The following UNC5C variants were observed in gnomAD, a reference collection of about 807,000 sequenced individuals.
UNC5C encodes the protein netrin receptor UNC5C.
Under a neutral mutation model 99.8 loss-of-function variants are expected in UNC5C, and 47 were observed. The observed-to-expected ratio is 0.47, with a 90% CI of 0.37 to 0.60. The LOEUF (loss-of-function observed/expected upper bound fraction) is 0.60. Ranked by LOEUF, UNC5C falls within the 20% of genes least tolerant of loss-of-function variation. UNC5C has a pLI of 0.00. For synonymous variants in UNC5C, 487 were observed against 452.2 expected, an observed-to-expected ratio of 1.08 and a Z score of -0.98; for missense variants, 1,062 against 1,165.9, an observed-to-expected ratio of 0.91 and a Z score of 1.30.
At chr4:95,336,821 T>G in intron 1 of UNC5C, among the ~76,000 whole-genome samples, 1 of 152,066 alleles carries the variant, frequency 6.6e-6, no homozygotes, top group Admixed American at 6.6e-5. Flanking sequence ...TACCTAGATA[T>G]TTCTTCTCAC....
chr4:95,384,817 C>T lies in UNC5C; in HGVS notation c.125-49186G>A, dbSNP rs143189845. 7.2e-5 allele frequency among the ~76,000 whole-genome samples: 11 copies of T among 152,108 alleles called. No individual in the cohort carries two copies. In the East Asian group the frequency reaches 9.7e-4, roughly 13 times the overall value. ...AGAGCCTCTACCAAAATAGCATCTT[C>T]GGAGAAGAGGGAACAAAATTTAAGA... On this transcript the variant is annotated intron_variant, in intron 1 of 15. Transcript: ENST00000453304.
At chr4:95,205,826 G>T (rs1294381109) in intron 11 of UNC5C, among the ~76,000 whole-genome samples, 1 of 152,046 alleles carries the variant, frequency 6.6e-6, no homozygotes, top group East Asian at 1.9e-4. Flanking sequence ...CAGACAGCCA[G>T]AATGCTGCAG....
At chr4:95,531,877 C>G (rs1274568859) in intron 1 of UNC5C, among the ~76,000 whole-genome samples, 4 of 152,114 alleles carry the variant, frequency 2.6e-5, no homozygotes, top group African/African-American at 9.7e-5. Flanking sequence ...CAACAATAAC[C>G]CCAATATAGA....
chr4:95,179,029 T>C (rs182642013), intron 14 of UNC5C, among the ~76,000 whole-genome samples: 4 of 152,372 alleles, frequency 2.6e-5, no homozygotes, highest in East Asian at 3.9e-4. Flanking sequence ...GAGTTTACTC[T>C]CACAGAATGC....
At chr4:95,374,232 C>T (rs769231802) in intron 1 of UNC5C, among the ~76,000 whole-genome samples, 1 of 152,138 alleles carries the variant, frequency 6.6e-6, no homozygotes, top group Non-Finnish European at 1.5e-5. Context: ...GTTTGCACAC[C>T]ATATGCCTAG....
intron 1 of UNC5C, among the ~76,000 whole-genome samples, chr4:95,496,406 A>T (rs1470958587): frequency 6.6e-6 from 1 of 151,832 alleles, no homozygotes; most frequent in African/African-American, 2.4e-5. Context: ...GTGGTGTATA[A>T]TGTATTTTAA....
At chr4:95,509,547 AT>A (rs1251709988) in intron 1 of UNC5C, among the ~76,000 whole-genome samples, 3 of 151,924 alleles carry the variant, frequency 2.0e-5, no homozygotes, top group Non-Finnish European at 4.4e-5. Context: ...TACATAACTG[AT>A]TAAATGCCTG....
chr4:95,294,145 C>T (rs566932850), intron 3 of UNC5C, among the ~76,000 whole-genome samples: 4 of 152,232 alleles, frequency 2.6e-5, no homozygotes, highest in East Asian at 1.9e-4. Context: ...AATACATGAC[C>T]GAAATAATTT....
rs538438887 is a variant in UNC5C, at chr4:95,362,673, G to A, written c.125-27042C>T. ...CACTGTTATATCATGTGACAACTGA[G>A]CTGACATACCAATATGAATGGTATT... On this transcript the variant is annotated intron_variant, in intron 1 of 15. Coordinates refer to ENST00000453304, the MANE Select transcript of UNC5C (RefSeq NM_003728.4). Among the ~76,000 whole-genome samples the A allele has an allele frequency of 1.3e-4, 20 of 152,242 alleles. No individual in the cohort carries two copies. The South Asian group carries it at 2.9e-3, about 22-fold the overall frequency.
intron 12 of UNC5C, among the ~76,000 whole-genome samples, chr4:95,190,158 C>A (rs1464792441): frequency 2.0e-5 from 3 of 152,046 alleles, no homozygotes; most frequent in African/African-American, 7.3e-5. Flanking sequence ...TACTATGCAG[C>A]CATAAAAAAT....
intron 12 of UNC5C, among the ~76,000 whole-genome samples, chr4:95,201,321 G>A (rs1737647141): frequency 6.6e-6 from 1 of 152,012 alleles, no homozygotes; most frequent in Admixed American, 6.6e-5. Context: ...TTCTCGAAAG[G>A]CCACTTGAAC....
chr4:95,457,377 C>T (rs190720603), intron 1 of UNC5C, among the ~76,000 whole-genome samples: 64 of 152,174 alleles, frequency 4.2e-4, no homozygotes, highest in African/African-American at 1.4e-3. Context: ...CAAACATGAA[C>T]ATTAACCCCT....
intron 1 of UNC5C, among the ~76,000 whole-genome samples, chr4:95,413,063 G>A (rs1001339862): frequency 6.6e-6 from 1 of 152,082 alleles, no homozygotes; most frequent in Non-Finnish European, 1.5e-5. Flanking sequence ...AGCAAAGAAT[G>A]AATCCCATGT....
intron 4 of UNC5C, among the ~76,000 whole-genome samples, chr4:95,263,947 G>T (rs145593764): frequency 1.9e-3 from 283 of 152,206 alleles, no homozygotes; most frequent in African/African-American, 6.5e-3. Flanking sequence ...ATGATATCTA[G>T]CATAAAATAA....
At chr4:95,465,962 C>T (rs1482783118) in intron 1 of UNC5C, among the ~76,000 whole-genome samples, 1 of 152,048 alleles carries the variant, frequency 6.6e-6, no homozygotes, top group Non-Finnish European at 1.5e-5. Context: ...CCTATGCTTT[C>T]CAAGGTATAT....
At chr4:95,424,513 C>CTTTTCTTTTTTT in intron 1 of UNC5C, among the ~76,000 whole-genome samples, 1 of 85,026 alleles carries the variant, frequency 1.2e-5, no homozygotes, top group South Asian at 4.8e-4. Flanking sequence ...TTTTTTTTTT[C>CTTTTCTTTTTTT]TTTTCTTTTT....
At chr4:95,326,559 A>G (rs1001679103) in intron 2 of UNC5C, among the ~76,000 whole-genome samples, 3 of 152,204 alleles carry the variant, frequency 2.0e-5, no homozygotes. Flanking sequence ...ACTTTCAAAT[A>G]TTGAAAATTT....
chr4:95,309,806 G>A (rs74881688), intron 2 of UNC5C, among the ~76,000 whole-genome samples: 5,282 of 152,272 alleles, frequency 0.035, 125 homozygotes, highest in South Asian at 0.052. Context: ...TGGGGCAAAG[G>A]GAACCCTTGC....
chr4:95,431,318 G>A (rs1746629493), intron 1 of UNC5C, among the ~76,000 whole-genome samples: 1 of 152,022 alleles, frequency 6.6e-6, no homozygotes, highest in Non-Finnish European at 1.5e-5. Flanking sequence ...CATCTCGAAA[G>A]CCTGTTAAAA....
Sources: gnomAD v4.1 joint callset for allele counts (sites outside exome capture counted in the v4.1 genomes callset) on GRCh38, gnomAD v4.1.1 for gene constraint, MANE v1.5 for transcripts, NCBI Gene and HGNC (gene_info 2026-07-23, HGNC 2026-07-21) for gene names.